The following MAF variants were observed in gnomAD, a reference collection of about 807,000 sequenced individuals.
MAF encodes MAF bZIP transcription factor.
Under a neutral mutation model 22.0 loss-of-function variants are expected in MAF, and 10 were observed. The ratio of observed to expected loss-of-function variants is 0.45; its 90% confidence interval spans 0.28 to 0.77. The LOEUF (loss-of-function observed/expected upper bound fraction) is 0.77, where lower values mean the gene tolerates loss of function less well. MAF is among the 30% of genes least tolerant of loss of function. The pLI, the probability that MAF is intolerant of heterozygous loss-of-function variation, is 0.12. For synonymous variants in MAF, 337 were observed against 255.8 expected (o/e 1.32, Z -3.03); for missense variants, 544 against 548.4 (o/e 0.99, Z 0.08).
chr16:79,287,280 G>T, the MAF span, among the ~76,000 whole-genome samples: 1 of 152,210 alleles, frequency 6.6e-6, no homozygotes, highest in Admixed American at 6.5e-5. Context: ...TTAGACACCT[G>T]CCACGCTCCC....
At chr16:79,598,163 T>C (rs1861475243) in intron 1 of MAF, 3 of 1,051,562 alleles carry the variant, frequency 2.9e-6, no homozygotes, top group South Asian at 9.1e-5. Flanking sequence ...AAAAAAACTT[T>C]GCTTTTTTTT....
chr16:79,528,135 C>G, the MAF span, among the ~76,000 whole-genome samples: 1 of 152,110 alleles, frequency 6.6e-6, no homozygotes, highest in Admixed American at 6.5e-5. Flanking sequence ...GAGCGTGACT[C>G]TGTCTCAAAA....
chr16:79,528,915 C>A, the MAF span, among the ~76,000 whole-genome samples: 2 of 152,198 alleles, frequency 1.3e-5, no homozygotes, highest in South Asian at 4.2e-4. Context: ...AGTTGATGAC[C>A]CGGTGCAAGA....
chr16:79,376,307 G>GA, the MAF span, among the ~76,000 whole-genome samples: 2 of 151,870 alleles, frequency 1.3e-5, no homozygotes, highest in Non-Finnish European at 2.9e-5. Context: ...TGAATTTCTT[G>GA]AAACTTCTTT....
chr16:79,308,063 A>G, the MAF span, among the ~76,000 whole-genome samples: 3 of 152,328 alleles, frequency 2.0e-5, no homozygotes, highest in East Asian at 3.9e-4. Flanking sequence ...GACAATGGTG[A>G]TAATATCTGA....
chr16:79,483,973 G>A, the MAF span, among the ~76,000 whole-genome samples: 1 of 152,140 alleles, frequency 6.6e-6, no homozygotes, highest in Non-Finnish European at 1.5e-5. Context: ...AAATACCAGT[G>A]GTGGTAGGGA....
chr16:79,278,586 G>T, the MAF span, among the ~76,000 whole-genome samples: 1 of 152,184 alleles, frequency 6.6e-6, no homozygotes, highest in Non-Finnish European at 1.5e-5. Flanking sequence ...ATGCCTGCTT[G>T]AAGTATTGCT....
At chr16:79,247,877 C>T in the MAF span, among the ~76,000 whole-genome samples, 2 of 152,100 alleles carry the variant, frequency 1.3e-5, no homozygotes, top group Admixed American at 6.6e-5. Context: ...TAGAAAATAG[C>T]CATTGCCTGT....
the MAF span, among the ~76,000 whole-genome samples, chr16:79,501,644 T>C: frequency 1.3e-5 from 2 of 152,206 alleles, no homozygotes; most frequent in South Asian, 4.1e-4. Flanking sequence ...GAAATTATGC[T>C]GACTGTCAAA....
the MAF span, among the ~76,000 whole-genome samples, chr16:79,280,755 A>T: frequency 2.6e-5 from 4 of 152,248 alleles, no homozygotes; most frequent in East Asian, 7.7e-4. Context: ...ACTAGCTCCT[A>T]TCCTGGCTTC....
At chr16:79,356,184 A>G in the MAF span, among the ~76,000 whole-genome samples, 834 of 106,210 alleles carry the variant, frequency 7.9e-3, 6 homozygotes, top group African/African-American at 0.023. Flanking sequence ...ATACATGTGC[A>G]CACACACACA....
chr16:79,457,389 G>GTTT, the MAF span, among the ~76,000 whole-genome samples: 51 of 140,454 alleles, frequency 3.6e-4, 1 homozygote, highest in Non-Finnish European at 4.6e-4. Flanking sequence ...TAGCACTTTG[G>GTTT]TTTTTTTTTT....
the MAF span, among the ~76,000 whole-genome samples, chr16:79,352,271 G>A: frequency 2.0e-5 from 3 of 152,180 alleles, no homozygotes; most frequent in African/African-American, 4.8e-5. Flanking sequence ...ACCTGTTTCT[G>A]TCAATGCAAG....
At chr16:79,531,905 C>T in the MAF span, among the ~76,000 whole-genome samples, 3 of 152,016 alleles carry the variant, frequency 2.0e-5, no homozygotes, top group Admixed American at 6.6e-5. Context: ...ATGTCCTATC[C>T]TATTAACTGT....
chr16:79,346,763 T>G, the MAF span, among the ~76,000 whole-genome samples: 2 of 152,186 alleles, frequency 1.3e-5, no homozygotes, highest in Admixed American at 1.3e-4. Flanking sequence ...CAACAAGAAC[T>G]TGACAGGGGC....
chr16:79,367,898 C>T, the MAF span, among the ~76,000 whole-genome samples: 1 of 152,200 alleles, frequency 6.6e-6, no homozygotes, highest in African/African-American at 2.4e-5. Context: ...CTTCAGATCT[C>T]ACAGGCTCTG....
chr16:79,302,286 A>G, the MAF span, among the ~76,000 whole-genome samples: 7,681 of 152,336 alleles, frequency 0.05, 747 homozygotes, highest in East Asian at 0.41. Flanking sequence ...GGTTGACTTT[A>G]AAGCAGGCTG....
At chr16:79,213,007 C>A in the MAF span, 1 of 144,074 alleles carries the variant, frequency 6.9e-6, no homozygotes, top group Admixed American at 6.9e-5. Flanking sequence ...ATGGTCTGCT[C>A]CCCTGCAATT....
chr16:79,467,360 G>T, the MAF span, among the ~76,000 whole-genome samples: 2 of 152,186 alleles, frequency 1.3e-5, no homozygotes, highest in East Asian at 3.9e-4. Flanking sequence ...GGGCAGGCAC[G>T]CAGCTGCTTT....
Sources: gnomAD v4.1 joint callset for allele counts (sites outside exome capture counted in the v4.1 genomes callset) on GRCh38, gnomAD v4.1.1 for gene constraint, MANE v1.5 for transcripts, NCBI Gene and HGNC (gene_info 2026-07-23, HGNC 2026-07-21) for gene names.